Variants in MGAT4A observed in about 807,000 individuals in gnomAD.
MGAT4A encodes N-acetylglucosaminyltransferase IVa.
Under a neutral mutation model 74.1 loss-of-function variants are expected in MGAT4A, and 33 were observed. That is an observed-to-expected ratio of 0.45 (90% CI 0.34 to 0.60). The LOEUF (loss-of-function observed/expected upper bound fraction) is 0.60. Among genes scored for constraint, MGAT4A ranks in the 20% least tolerant of loss-of-function variants. The probability of loss-of-function intolerance (pLI) is 0.02; values close to 1 mark genes in which losing one functional copy is unlikely to be tolerated. For missense variants in MGAT4A, 479 were observed against 628.3 expected (o/e 0.76, Z 2.54); for synonymous variants, 198 against 210.4 (o/e 0.94, Z 0.51).
At chr2:98,660,412 G>GCGCA in intron 5 of MGAT4A, among the ~76,000 whole-genome samples, 1 of 92,952 alleles carries the variant, frequency 1.1e-5, no homozygotes, top group South Asian at 3.6e-4. Flanking sequence ...ACACACACAC[G>GCGCA]CACGCGCACA....
intron 2 of MGAT4A, among the ~76,000 whole-genome samples, chr2:98,695,688 G>A (rs1035270796): frequency 2.0e-5 from 3 of 152,104 alleles, no homozygotes; most frequent in Non-Finnish European, 2.9e-5. Flanking sequence ...CTGGTGTGCA[G>A]TTACTGCTGT....
intron 4 of MGAT4A, among the ~76,000 whole-genome samples, chr2:98,674,126 A>C (rs1701948008): frequency 6.6e-6 from 1 of 152,254 alleles, no homozygotes; most frequent in Admixed American, 6.5e-5. Flanking sequence ...AAAAGCTTAC[A>C]TTTATAGATC....
At position 98,624,450 on chromosome 2, in the gene MGAT4A, C is replaced by T. The variant is rs1701113815; in HGVS notation, c.*1116G>A. 1.0e-6 allele frequency: 1 copy of T among 967,734 alleles called. No homozygotes were observed. 59.9% of individuals were successfully genotyped at this position (967,734 alleles called of 1,614,324 possible). A position where few individuals can be genotyped will look rare whatever the true frequency, so the allele number is the denominator to read the frequency against. On this transcript the variant is annotated 3_prime_UTR_variant, in exon 16 of 16. Transcript: ENST00000393487. ...AATACAGTCTCTTGGACACGGGACT[C>T]ACTTATCAGTTCATACTACAATAAA...
At position 98,621,507 on chromosome 2, in the gene MGAT4A, T is replaced by C; in HGVS notation, c.*4059A>G. The stretch of plus-strand genomic sequence containing the variant: ...CCACCAGCCCGAGAAAACTCTCTGC[T>C]TTTAAAGGAGTCACAAGATTTGATT... On this transcript the variant is annotated 3_prime_UTR_variant, in exon 16 of 16. Coordinates refer to ENST00000393487, the MANE Select transcript of MGAT4A (RefSeq NM_012214.3). The C allele has an allele frequency of 6.4e-7, 1 of 1,551,504 alleles. No homozygotes were observed. The highest frequency in any genetic ancestry group is 8.7e-7 in the Non-Finnish European group (1 of 1,146,792).
Position 98,623,422 on chromosome 2 carries a change from C to G in MGAT4A, c.*2144G>C. ...CTGAGGAACCAGGGACCCAAGAGTACTCCTAAGCCCACCTGCAGAGATTTT... is the reference window on the plus strand; with the variant it reads ...CTGAGGAACCAGGGACCCAAGAGTAGTCCTAAGCCCACCTGCAGAGATTTT... On this transcript the variant is annotated 3_prime_UTR_variant, in exon 16 of 16. Coordinates refer to ENST00000393487, the MANE Select transcript of MGAT4A (RefSeq NM_012214.3). 1 of 985,438 alleles carries G rather than the reference C, an allele frequency of 1.0e-6. No individual in the cohort carries two copies. Among genetic ancestry groups the G allele is most frequent in the Non-Finnish European group, 1.2e-6 (1 of 829,932 alleles). The allele number at this position is 985,438 out of a possible 1,614,324, so 61.0% of individuals were successfully genotyped here.
chr2:98,658,268 G>A lies in MGAT4A; in HGVS notation c.538-4C>T. 1.3e-6 allele frequency: 2 copies of A among 1,533,878 alleles called. No individual in the cohort carries two copies. Among genetic ancestry groups the A allele is most frequent in the African/African-American group, 1.4e-5 (1 of 71,136 alleles). ...CATGTACATAATCAATATCTGTCTG[G>A]GAAAGAAAAAAAATGTATCTATATT... On this transcript the variant is annotated splice_polypyrimidine_tract_variant and splice_region_variant and intron_variant, in intron 5 of 15. Transcript: ENST00000393487.
chr2:98,641,791 G>A (rs951359895), intron 10 of MGAT4A, among the ~76,000 whole-genome samples: 26 of 151,850 alleles, frequency 1.7e-4, no homozygotes, highest in African/African-American at 5.8e-4. Context: ...TCACGAGATT[G>A]AGACCATTCT....
intron 4 of MGAT4A, among the ~76,000 whole-genome samples, chr2:98,664,726 G>T (rs956866481): frequency 6.6e-6 from 1 of 152,098 alleles, no homozygotes; most frequent in African/African-American, 2.4e-5. Context: ...TTTAACTTGC[G>T]AAAAACTGTG....
chr2:98,726,177 C>A, intron 2 of MGAT4A, 62 bp downstream of exon 2: 1 of 1,295,594 alleles, frequency 7.7e-7, no homozygotes. Flanking sequence ...AGCATTTAGG[C>A]ACCTTAACCA....
At chr2:98,729,326 T>C (rs1027360715) in intron 1 of MGAT4A, among the ~76,000 whole-genome samples, 2 of 152,188 alleles carry the variant, frequency 1.3e-5, no homozygotes, top group African/African-American at 2.4e-5. Context: ...TCCCAGCTAA[T>C]AAGTTTAACT....
chr2:98,620,741 TAC>T lies in MGAT4A; in HGVS notation c.*4823_*4824del, dbSNP rs1483817840. On this transcript the variant is annotated 3_prime_UTR_variant, in exon 16 of 16. Coordinates refer to ENST00000393487, the MANE Select transcript of MGAT4A (RefSeq NM_012214.3). ...ATTTTTGCTCTTAATGTATCTAAAA[TAC>T]CACTGTTAATCATTCTTGAATTTAC... is the stretch of plus-strand genomic sequence containing the variant. The T allele has an allele frequency of 6.6e-6, 1 of 152,220 alleles. No homozygotes were observed. The highest frequency in any genetic ancestry group is 1.5e-5 in the Non-Finnish European group (1 of 68,042). The allele number at this position is 152,220 out of a possible 1,614,324, so 9.4% of individuals were successfully genotyped here.
chr2:98,710,760 T>C (rs555088375), intron 2 of MGAT4A, among the ~76,000 whole-genome samples: 9 of 152,312 alleles, frequency 5.9e-5, no homozygotes, highest in South Asian at 2.1e-4. Flanking sequence ...CTGTGCCCAG[T>C]AATTTTTTTC....
At chr2:98,708,389 C>G (rs1321638108) in intron 2 of MGAT4A, among the ~76,000 whole-genome samples, 1 of 152,050 alleles carries the variant, frequency 6.6e-6, no homozygotes, top group Non-Finnish European at 1.5e-5. Flanking sequence ...TAATGAAAAG[C>G]CATGAGATTT....
intron 8 of MGAT4A, among the ~76,000 whole-genome samples, chr2:98,653,706 G>C (rs146817536): frequency 1.7e-4 from 26 of 152,242 alleles, no homozygotes; most frequent in African/African-American, 5.8e-4. Context: ...GAAAAACCCA[G>C]GACCAGAGAA....
intron 1 of MGAT4A, 111 bp downstream of exon 1, chr2:98,730,937 G>GGGCCGCCAGCCC (rs1415693999): frequency 2.0e-5 from 3 of 146,970 alleles, no homozygotes; most frequent in Non-Finnish European, 3.0e-5. Flanking sequence ...CCGCAGCCCG[G>GGGCCGCCAGCCC]GGCCGCCAGC....
intron 3 of MGAT4A, 94 bp from the exon 4 acceptor site, chr2:98,675,269 C>T: frequency 1.1e-6 from 1 of 901,456 alleles, no homozygotes; most frequent in Non-Finnish European, 1.7e-6. Flanking sequence ...AGAACTAGAA[C>T]TAAAGAATTT....
chr2:98,623,982 A>G lies in MGAT4A; in HGVS notation c.*1584T>C. 1 of 985,366 alleles carries G rather than the reference A, an allele frequency of 1.0e-6. No individual in the cohort carries two copies. Among genetic ancestry groups the G allele is most frequent in the Non-Finnish European group, 1.2e-6 (1 of 829,994 alleles). 61.0% of individuals were successfully genotyped at this position (985,366 alleles called of 1,614,324 possible). On this transcript the variant is annotated 3_prime_UTR_variant, in exon 16 of 16. Transcript: ENST00000393487. ...CACTTGTGGCACCCCAGTGTGTCCA[A>G]GCAGACTGGCTGGGAACTGATGTTG...
intron 3 of MGAT4A, among the ~76,000 whole-genome samples, chr2:98,677,970 C>T (rs1702000060): frequency 6.6e-6 from 1 of 151,362 alleles, no homozygotes; most frequent in African/African-American, 2.4e-5. Context: ...GTGGCTCACG[C>T]CTGTAATCTC....
At chr2:98,730,617 T>G (rs1026569281) in intron 1 of MGAT4A, among the ~76,000 whole-genome samples, 1 of 104,110 alleles carries the variant, frequency 9.6e-6, no homozygotes, top group Admixed American at 1.0e-4. Context: ...CAGCTGTCCC[T>G]CCCCCTCCGC....
Sources: gnomAD v4.1 joint callset for allele counts (sites outside exome capture counted in the v4.1 genomes callset) on GRCh38, gnomAD v4.1.1 for gene constraint, MANE v1.5 for transcripts, NCBI Gene and HGNC (gene_info 2026-07-23, HGNC 2026-07-21) for gene names.